Variants in FERMT1 observed in about 807,000 individuals in gnomAD.
FERMT1 encodes the protein FERM domain containing kindlin 1.
A neutral mutation model predicts 85.3 loss-of-function variants in FERMT1; 60 were observed. That is an observed-to-expected ratio of 0.70 (90% CI 0.57 to 0.87). The LOEUF (loss-of-function observed/expected upper bound fraction) is 0.87. Ranked by LOEUF, FERMT1 falls within the 40% of genes least tolerant of loss-of-function variation. FERMT1 has a pLI of 0.00. For missense variants in FERMT1, 701 were observed against 818.9 expected (o/e 0.86, Z 1.76); for synonymous variants, 275 against 301.1 (o/e 0.91, Z 0.90).
At chr20:6,082,754 C>T (rs565201310) in intron 13 of FERMT1, among the ~76,000 whole-genome samples, 1 of 152,320 alleles carries the variant, frequency 6.6e-6, no homozygotes, top group East Asian at 1.9e-4. Flanking sequence ...CTCCCAGGTT[C>T]AAGTAATTCT....
Position 6,103,014 on chromosome 20 carries a change from T to C in FERMT1, c.849+4518A>G, listed in dbSNP as rs558722065. Among the ~76,000 whole-genome samples, 276 of 152,314 alleles carry C rather than the reference T, an allele frequency of 1.8e-3. 3 individuals carry two copies. Among genetic ancestry groups the C allele is most frequent in the Middle Eastern group, 6.8e-3 (2 of 294 alleles). On this transcript the variant is annotated intron_variant, in intron 6 of 14. Coordinates refer to ENST00000217289, the MANE Select transcript of FERMT1 (RefSeq NM_017671.5). ...GCTTTTCCTGTACTGAACACTAAAATACTATGAACTATCAGAGTTCTAAAA... is the reference window on the plus strand; with the variant it reads ...GCTTTTCCTGTACTGAACACTAAAACACTATGAACTATCAGAGTTCTAAAA...
Position 6,076,374 on chromosome 20 carries a change from A to G in FERMT1, c.*799T>C, listed in dbSNP as rs988439414. On this transcript the variant is annotated 3_prime_UTR_variant, in exon 15 of 15. Coordinates refer to ENST00000217289, the MANE Select transcript of FERMT1 (RefSeq NM_017671.5). ...AACCCAGAGTAGAAGCAGTGGAGAC[A>G]TGGATCTGGGTTGAGAAATGGGTTT... 4.1e-6 allele frequency: 2 copies of G among 493,232 alleles called. No individual in the cohort carries two copies. Among genetic ancestry groups the G allele is most frequent in the African/African-American group, 1.9e-5 (1 of 51,526 alleles). The allele number at this position is 493,232 out of a possible 1,614,324, so 30.6% of individuals were successfully genotyped here.
intron 13 of FERMT1, among the ~76,000 whole-genome samples, chr20:6,083,710 A>AC (rs1982076376): frequency 1.3e-5 from 2 of 149,730 alleles, no homozygotes; most frequent in South Asian, 4.3e-4. Flanking sequence ...AAAAAACAAA[A>AC]AAAAAAAAAC....
intron 12 of FERMT1, 34 bp from the exon 13 acceptor site, chr20:6,084,198 T>A (rs1164758392): frequency 2.3e-5 from 36 of 1,588,378 alleles, no homozygotes; most frequent in Non-Finnish European, 3.1e-5. Flanking sequence ...TCTCTTCACA[T>A]GCACCGGCTG....
Position 6,076,305 on chromosome 20 carries a change from T to A in FERMT1, c.*868A>T, listed in dbSNP as rs936470110. The A allele has an allele frequency of 2.6e-6, 1 of 386,774 alleles. No individual in the cohort carries two copies. Among genetic ancestry groups the A allele is most frequent in the Non-Finnish European group, 5.2e-6 (1 of 192,428 alleles). The allele number at this position is 386,774 out of a possible 1,614,324, so 24.0% of individuals were successfully genotyped here. On this transcript the variant is annotated 3_prime_UTR_variant, in exon 15 of 15. Transcript: ENST00000217289. ...GACTGGAATCCTTGACACTGGCAGGTGTTTCTATGAACAGAGAGGACTGTG... is the reference window on the plus strand; with the variant it reads ...GACTGGAATCCTTGACACTGGCAGGAGTTTCTATGAACAGAGAGGACTGTG...
At chr20:6,081,952 T>C (rs549921136) in intron 13 of FERMT1, among the ~76,000 whole-genome samples, 1 of 152,300 alleles carries the variant, frequency 6.6e-6, no homozygotes, top group Non-Finnish European at 1.5e-5. Context: ...CCCGCTTCTC[T>C]CTAACCTATG....
At chr20:6,113,242 T>A (rs4256018) in intron 3 of FERMT1, among the ~76,000 whole-genome samples, 3 of 152,004 alleles carry the variant, frequency 2.0e-5, no homozygotes, top group East Asian at 3.9e-4. Flanking sequence ...CTTGCCTTCC[T>A]CCATGATTGT....
chr20:6,120,875 C>T (rs1447583805), intron 1 of FERMT1, among the ~76,000 whole-genome samples: 2 of 152,162 alleles, frequency 1.3e-5, no homozygotes, highest in East Asian at 3.9e-4. Flanking sequence ...TCCCTTCAAC[C>T]TATTTAGATC....
chr20:6,097,449 T>A (rs1021490716), intron 7 of FERMT1, 75 bp downstream of exon 7: 9 of 991,070 alleles, frequency 9.1e-6, no homozygotes, highest in African/African-American at 1.6e-5. Context: ...AAAACCAGTA[T>A]GAAGCATATG....
At chr20:6,086,549 C>T (rs1438243892) in intron 11 of FERMT1, among the ~76,000 whole-genome samples, 1 of 152,176 alleles carries the variant, frequency 6.6e-6, no homozygotes, top group Non-Finnish European at 1.5e-5. Context: ...ATCTTCACTG[C>T]CCCTGATAAG....
chr20:6,097,846 A>G (rs1344722724), intron 6 of FERMT1, among the ~76,000 whole-genome samples: 1 of 150,078 alleles, frequency 6.7e-6, no homozygotes, highest in Non-Finnish European at 1.5e-5. Context: ...ACAGGGTCTC[A>G]CTCTGTCGCC....
intron 1 of FERMT1, 129 bp from the exon 2 acceptor site, chr20:6,119,701 A>G (rs949194567): frequency 1.4e-6 from 1 of 694,770 alleles, no homozygotes; most frequent in Non-Finnish European, 2.4e-6. Flanking sequence ...ACACTCTGCA[A>G]GGTTCCAGGT....
rs2295435 is a variant in FERMT1 at position 6,116,048 on chromosome 20, C to T, written c.152-4G>A. 0.42 allele frequency: 681,977 copies of T among 1,605,506 alleles called. 147,737 individuals are homozygous for T. Among genetic ancestry groups the T allele is most frequent in the South Asian group, 0.58 (52,583 of 90,862 alleles). On this transcript the variant is annotated splice_polypyrimidine_tract_variant and splice_region_variant and intron_variant, in intron 2 of 14. Coordinates refer to ENST00000217289, the MANE Select transcript of FERMT1 (RefSeq NM_017671.5). ...TCTGACCAGTCTTGGGATATATCTG[C>T]AAAAATGAAAGCACAATTAAGTAAA...
intron 6 of FERMT1, among the ~76,000 whole-genome samples, chr20:6,098,452 TA>T (rs1264165952): frequency 2.0e-5 from 3 of 152,076 alleles, no homozygotes; most frequent in African/African-American, 7.2e-5. Context: ...TCCCAGATAT[TA>T]AAACCTATTA....
chr20:6,091,826 C>G (rs1185926126), intron 9 of FERMT1, among the ~76,000 whole-genome samples: 2 of 152,110 alleles, frequency 1.3e-5, no homozygotes, highest in Admixed American at 1.3e-4. Context: ...TGCTGCTGCT[C>G]TATGCAGCAA....
At position 6,111,367 on chromosome 20, in the gene FERMT1, C is replaced by T. The variant is rs551361604; in HGVS notation, c.533-856G>A. On this transcript the variant is annotated intron_variant, in intron 4 of 14. Transcript: ENST00000217289. ...TCAATCTTGGCCGGGTGTGGTGGCT[C>T]ATTCCTGTAATCCCAGCATTTTGGG... Among the ~76,000 whole-genome samples, 3 of 152,144 alleles carry T rather than the reference C, an allele frequency of 2.0e-5. No individual in the cohort carries two copies. The East Asian group carries it at 5.8e-4, about 30-fold the overall frequency.
At chr20:6,077,727 C>T (rs981342654) in intron 14 of FERMT1, among the ~76,000 whole-genome samples, 2 of 152,026 alleles carry the variant, frequency 1.3e-5, no homozygotes, top group African/African-American at 4.8e-5. Flanking sequence ...GTCACCCAGG[C>T]TGGGGTACAG....
At chr20:6,113,586 C>T (rs1418492541) in intron 3 of FERMT1, among the ~76,000 whole-genome samples, 4 of 152,216 alleles carry the variant, frequency 2.6e-5, no homozygotes, top group African/African-American at 9.6e-5. Context: ...CTAGACCATG[C>T]ATCTTTCTGC....
intron 6 of FERMT1, among the ~76,000 whole-genome samples, chr20:6,105,623 CA>C (rs1205543183): frequency 4.6e-5 from 7 of 152,124 alleles, no homozygotes; most frequent in Non-Finnish European, 8.8e-5. Context: ...TATACATTTT[CA>C]AAAAGGGTTT....
Sources: allele counts gnomAD v4.1 joint callset (sites outside exome capture counted in the v4.1 genomes callset), GRCh38; gene constraint gnomAD v4.1.1; transcripts MANE v1.5; gene names NCBI Gene and HGNC (gene_info 2026-07-23, HGNC 2026-07-21).